BAG4: variants seen among roughly 807,000 people sequenced by gnomAD.
BAG4 encodes the protein BAG family molecular chaperone regulator 4.
A neutral mutation model predicts 52.1 loss-of-function variants in BAG4; 28 were observed. That is an observed-to-expected ratio of 0.54 (90% CI 0.40 to 0.74). The LOEUF (loss-of-function observed/expected upper bound fraction) is 0.74, where lower values mean the gene tolerates loss of function less well. Among genes scored for constraint, BAG4 ranks in the 30% least tolerant of loss-of-function variants. The pLI is 0.00. For synonymous variants in BAG4, 208 were observed against 217.0 expected, an observed-to-expected ratio of 0.96 and a Z score of 0.37; for missense variants, 525 against 572.0, an observed-to-expected ratio of 0.92 and a Z score of 0.84.
At chr8:38,207,445 A>C (rs1803789219) in intron 2 of BAG4, 67 bp from the exon 3 acceptor site, 1 of 1,530,174 alleles carries the variant, frequency 6.5e-7, no homozygotes, top group African/African-American at 1.4e-5. Context: ...AAGTTTAGGC[A>C]TTAAGTCAGG....
chr8:38,204,569 A>G (rs1803736185), intron 2 of BAG4, among the ~76,000 whole-genome samples: 1 of 152,044 alleles, frequency 6.6e-6, no homozygotes, highest in South Asian at 2.1e-4. Flanking sequence ...AGGTGCCAGG[A>G]TCACTTCAGC....
At chr8:38,189,251 A>G (rs12682626) in intron 1 of BAG4, among the ~76,000 whole-genome samples, 36,718 of 152,002 alleles carry the variant, frequency 0.24, 4,598 homozygotes, top group East Asian at 0.31. Context: ...GGCCTGAATT[A>G]TATACTTTAA....
intron 1 of BAG4, among the ~76,000 whole-genome samples, chr8:38,182,533 G>A (rs908889876): frequency 6.6e-6 from 1 of 152,130 alleles, no homozygotes; most frequent in Non-Finnish European, 1.5e-5. Context: ...ATTTTCTTTG[G>A]CATAGAACTT....
At chr8:38,178,615 T>G (rs1803211607) in intron 1 of BAG4, among the ~76,000 whole-genome samples, 1 of 152,236 alleles carries the variant, frequency 6.6e-6, no homozygotes, top group African/African-American at 2.4e-5. Context: ...TGGAGTATTA[T>G]TTGGCCTTAG....
intron 1 of BAG4, among the ~76,000 whole-genome samples, chr8:38,182,673 A>C (rs1803290873): frequency 6.6e-6 from 1 of 152,186 alleles, no homozygotes; most frequent in African/African-American, 2.4e-5. Flanking sequence ...TATAGAATAG[A>C]GTTCAGCTTC....
chr8:38,207,868 T>G (rs1251283979), intron 3 of BAG4, 102 bp downstream of exon 3: 1 of 1,386,486 alleles, frequency 7.2e-7, no homozygotes, highest in Non-Finnish European at 9.7e-7. Context: ...AATAAGACAC[T>G]TCTAGATTGG....
chr8:38,177,473 A>G lies in BAG4; in HGVS notation c.270+334A>G, dbSNP rs75791635. Reference sequence around the variant, plus strand: ...CGGATCTACTGCTCCAGCTCTAGCAATTTATCCTGCGTGGCTGGCAGGCCG... The same window carrying G: ...CGGATCTACTGCTCCAGCTCTAGCAGTTTATCCTGCGTGGCTGGCAGGCCG... On this transcript the variant is annotated intron_variant, in intron 1 of 4. Transcript: ENST00000287322. 4.6e-5 allele frequency among the ~76,000 whole-genome samples: 7 copies of G among 152,294 alleles called. No homozygotes were observed. In the East Asian group the frequency reaches 9.6e-4, roughly 21 times the overall value.
rs749964503 is a variant in BAG4, at chr8:38,209,177, C to A, written c.798C>A (p.Pro266=). 1.2e-6 allele frequency: 2 copies of A among 1,614,038 alleles called. No homozygotes were observed. Among genetic ancestry groups the A allele is most frequent in the South Asian group, 2.2e-5 (2 of 91,078 alleles). The change falls in exon 4 of 5, where the codon CCC becomes CCA. Residue 266 remains proline, a synonymous_variant. Transcript: ENST00000287322. ...CTTCATCAGCGCCCTCAGCACCACC[C>A]GGCAATCTCTACATGACTGAAAGTA... ...PWPSSAPSAP[P]GNLYMTESTS... is the part of the protein sequence containing the mutation.
At chr8:38,207,341 A>G (rs1371128993) in intron 2 of BAG4, among the ~76,000 whole-genome samples, 171 bp from the exon 3 acceptor site, 1 of 151,984 alleles carries the variant, frequency 6.6e-6, no homozygotes, top group Non-Finnish European at 1.5e-5. Context: ...ACCTCAAATG[A>G]TTCTCCCACC....
chr8:38,179,190 T>C (rs1250339114), intron 1 of BAG4, among the ~76,000 whole-genome samples: 3 of 152,058 alleles, frequency 2.0e-5, no homozygotes, highest in African/African-American at 4.8e-5. Context: ...GACACAGTCT[T>C]GCTCTGTCGC....
At chr8:38,193,015 GA>G (rs1337274455) in intron 2 of BAG4, among the ~76,000 whole-genome samples, 1 of 152,100 alleles carries the variant, frequency 6.6e-6, no homozygotes, top group East Asian at 1.9e-4. Context: ...CCAGGACCCA[GA>G]AGGAACAAAC....
chr8:38,198,552 G>A (rs1241152511), intron 2 of BAG4, among the ~76,000 whole-genome samples: 6 of 145,576 alleles, frequency 4.1e-5, no homozygotes, highest in African/African-American at 1.3e-4. Context: ...GCAGTGGTGC[G>A]ATCTCGGCTT....
rs1803859328 is a variant in BAG4, at chr8:38,211,032, A to AT, written c.*543dup. 1 of 152,672 alleles carries AT rather than the reference A, an allele frequency of 6.5e-6. No individual in the cohort carries two copies. Among genetic ancestry groups the AT allele is most frequent in the Non-Finnish European group, 1.5e-5 (1 of 68,176 alleles). 9.5% of individuals were successfully genotyped at this position (152,672 alleles called of 1,614,324 possible). ...AGTATTATTCTCTACTTCTTGGTAC[A>AT]TTTTGTAGTAATATGTTTAATATAA... On this transcript the variant is annotated 3_prime_UTR_variant, in exon 5 of 5. Coordinates refer to ENST00000287322, the MANE Select transcript of BAG4 (RefSeq NM_004874.4).
chr8:38,211,185 G>A lies in BAG4; in HGVS notation c.*692G>A, dbSNP rs1451058954. ...TCTCCCTTTTTCTATAGATCATTAG[G>A]TTAGAGTTTTTTTCTTCTTTTTTTT... On this transcript the variant is annotated 3_prime_UTR_variant, in exon 5 of 5. Transcript: ENST00000287322. 1.4e-5 allele frequency: 2 copies of A among 144,884 alleles called. No homozygotes were observed. The highest frequency in any genetic ancestry group is 3.0e-5 in the Non-Finnish European group (2 of 66,434). 9.0% of individuals were successfully genotyped at this position (144,884 alleles called of 1,614,324 possible).
chr8:38,206,822 C>T (rs948278114), intron 2 of BAG4, among the ~76,000 whole-genome samples: 1 of 152,046 alleles, frequency 6.6e-6, no homozygotes, highest in Non-Finnish European at 1.5e-5. Context: ...ACTCTGTTGC[C>T]CAGGCTGGAG....
Position 38,210,593 on chromosome 8 carries a change from G to C in BAG4, c.*100G>C. On this transcript the variant is annotated 3_prime_UTR_variant, in exon 5 of 5. Transcript: ENST00000287322. ...TTGAAATGCCTGTTGATGACAAGAA[G>C]CAATACATTCCAGCTTTCCTTTGAT... 1.4e-6 allele frequency: 2 copies of C among 1,393,542 alleles called. No homozygotes were observed. Among genetic ancestry groups the C allele is most frequent in the Non-Finnish European group, 1.9e-6 (2 of 1,039,362 alleles). The allele number at this position is 1,393,542 out of a possible 1,614,324, so 86.3% of individuals were successfully genotyped here.
chr8:38,189,930 C>T (rs937285106), intron 1 of BAG4, among the ~76,000 whole-genome samples: 3 of 151,900 alleles, frequency 2.0e-5, no homozygotes, highest in Non-Finnish European at 2.9e-5. Context: ...GGACTACAGG[C>T]GCCCGCCACC....
chr8:38,202,912 T>C (rs1404829143), intron 2 of BAG4: 2 of 152,198 alleles, frequency 1.3e-5, no homozygotes, highest in African/African-American at 4.8e-5. Context: ...AAGCATTTTC[T>C]TCCTTTTTGG....
intron 2 of BAG4, among the ~76,000 whole-genome samples, chr8:38,199,146 C>T (rs567084272): frequency 7.8e-4 from 119 of 152,294 alleles, no homozygotes; most frequent in African/African-American, 2.7e-3. Flanking sequence ...ATACAACTGG[C>T]ACACAGCAAG....
Sources: allele counts gnomAD v4.1 joint callset (sites outside exome capture counted in the v4.1 genomes callset), GRCh38; gene constraint gnomAD v4.1.1; transcripts MANE v1.5; gene names NCBI Gene and HGNC (gene_info 2026-07-23, HGNC 2026-07-21).